Variants in RRP15 observed in about 807,000 individuals in gnomAD.
RRP15 encodes RRP15-like protein.
RRP15 carries 18 observed loss-of-function variants against 27.1 expected under a neutral mutation model. That is an observed-to-expected ratio of 0.66 (90% CI 0.46 to 0.98). The LOEUF (loss-of-function observed/expected upper bound fraction) is 0.98. Ranked by LOEUF, RRP15 falls within the 50% of genes least tolerant of loss-of-function variation. The pLI is 0.00. For missense variants in RRP15, 359 were observed against 337.8 expected (o/e 1.06, Z -0.49); for synonymous variants, 107 against 109.4 (o/e 0.98, Z 0.14).
At chr1:218,323,366 G>T (rs1448962953) in intron 4 of RRP15, among the ~76,000 whole-genome samples, 2 of 152,208 alleles carry the variant, frequency 1.3e-5, no homozygotes, top group East Asian at 3.9e-4. Context: ...GAACAGAGGA[G>T]ACCCTGGGGT....
intron 1 of RRP15, among the ~76,000 whole-genome samples, chr1:218,292,573 A>G (rs138022373): frequency 0.01 from 1,586 of 152,362 alleles, 29 homozygotes; most frequent in African/African-American, 0.036. Context: ...CATGTCTGTG[A>G]ATGACTGCAA....
intron 1 of RRP15, among the ~76,000 whole-genome samples, chr1:218,300,909 G>A (rs1423948017): frequency 6.6e-6 from 1 of 152,194 alleles, no homozygotes; most frequent in African/African-American, 2.4e-5. Context: ...TCTGATCCGG[G>A]TGGGTGGAAC....
intron 3 of RRP15, among the ~76,000 whole-genome samples, chr1:218,305,970 T>C (rs1476228742): frequency 2.0e-5 from 3 of 152,170 alleles, no homozygotes; most frequent in Admixed American, 2.0e-4. Flanking sequence ...AAATAGAGGA[T>C]AATATACCTA....
intron 2 of RRP15, 101 bp downstream of exon 2, chr1:218,302,660 G>T: frequency 6.7e-7 from 1 of 1,501,264 alleles, no homozygotes; most frequent in Non-Finnish European, 8.9e-7. Flanking sequence ...TAACGTTCCA[G>T]TTTTTAACTT....
In RRP15 at chr1:218,336,463, G is replaced by A. The variant is rs1025749732; in HGVS notation, c.*5372G>A. ...TCAGGACCAACTGGGGCTCTAAATG[G>A]AGAGACAGCTGAGAGCTGTGTCCCT... is the stretch of plus-strand genomic sequence containing the variant. On this transcript the variant is annotated 3_prime_UTR_variant, in exon 5 of 5. Coordinates refer to ENST00000366932, the MANE Select transcript of RRP15 (RefSeq NM_016052.4). 1 of 152,636 alleles carries A rather than the reference G, an allele frequency of 6.6e-6. No individual in the cohort carries two copies. Among genetic ancestry groups the A allele is most frequent in the African/African-American group, 2.4e-5 (1 of 41,460 alleles). 9.5% of individuals were successfully genotyped at this position (152,636 alleles called of 1,614,324 possible).
intron 1 of RRP15, among the ~76,000 whole-genome samples, chr1:218,296,215 T>A (rs1251723600): frequency 6.6e-6 from 1 of 152,218 alleles, no homozygotes; most frequent in East Asian, 1.9e-4. Flanking sequence ...TAGTCCAAAT[T>A]GAATCTCTGA....
At chr1:218,288,830 A>G (rs541408084) in intron 1 of RRP15, among the ~76,000 whole-genome samples, 4 of 152,322 alleles carry the variant, frequency 2.6e-5, no homozygotes, top group East Asian at 1.9e-4. Flanking sequence ...TCAGATTTCT[A>G]TAGCACTTCC....
At chr1:218,298,286 TC>T in intron 1 of RRP15, among the ~76,000 whole-genome samples, 1 of 152,296 alleles carries the variant, frequency 6.6e-6, no homozygotes, top group Non-Finnish European at 1.5e-5. Flanking sequence ...TTGTAAAACT[TC>T]CTCTAAGCCA....
At chr1:218,297,824 T>C (rs1397879770) in intron 1 of RRP15, among the ~76,000 whole-genome samples, 8 of 152,318 alleles carry the variant, frequency 5.3e-5, no homozygotes, top group Admixed American at 4.6e-4. Flanking sequence ...TGGCCTTTTA[T>C]TGGAAGCACA....
At chr1:218,297,643 G>A (rs1655742383) in intron 1 of RRP15, among the ~76,000 whole-genome samples, 1 of 152,082 alleles carries the variant, frequency 6.6e-6, no homozygotes, top group Non-Finnish European at 1.5e-5. Flanking sequence ...TTTTTACCGG[G>A]AGTTCTGTTT....
chr1:218,324,436 G>A (rs1204868031), intron 4 of RRP15, among the ~76,000 whole-genome samples: 1 of 152,174 alleles, frequency 6.6e-6, no homozygotes, highest in African/African-American at 2.4e-5. Flanking sequence ...TGTGAGCGTG[G>A]GTGTGACACA....
chr1:218,324,026 G>A (rs1404349980), intron 4 of RRP15, among the ~76,000 whole-genome samples: 1 of 152,186 alleles, frequency 6.6e-6, no homozygotes, highest in African/African-American at 2.4e-5. Flanking sequence ...GCGAGGGCGG[G>A]GCTTCTGCCT....
chr1:218,304,695 T>C (rs1162125733), intron 2 of RRP15, among the ~76,000 whole-genome samples: 1 of 152,234 alleles, frequency 6.6e-6, no homozygotes, highest in African/African-American at 2.4e-5. Flanking sequence ...TTCTTCCTTA[T>C]GCTTCCCTCT....
At chr1:218,327,700 A>G (rs1053399467) in intron 4 of RRP15, among the ~76,000 whole-genome samples, 4 of 152,088 alleles carry the variant, frequency 2.6e-5, no homozygotes, top group African/African-American at 4.8e-5. Flanking sequence ...TAAATTTTCT[A>G]TTGTGTCTTT....
chr1:218,332,177 A>C lies in RRP15; in HGVS notation c.*1086A>C, dbSNP rs187977901. 2.4e-4 allele frequency: 37 copies of C among 152,146 alleles called. No homozygotes were observed. Among genetic ancestry groups the C allele is most frequent in the African/African-American group, 8.9e-4 (37 of 41,494 alleles). 9.4% of individuals were successfully genotyped at this position (152,146 alleles called of 1,614,324 possible). A position where few individuals can be genotyped will look rare whatever the true frequency, so the allele number is the denominator to read the frequency against. ...TCTCTCTTCTTTTTTTTCCTCCCAA[A>C]TATTTGAGTTAGCTTAAATTCTTTT... On this transcript the variant is annotated 3_prime_UTR_variant, in exon 5 of 5. Transcript: ENST00000366932.
At chr1:218,325,547 C>T (rs1656259234) in intron 4 of RRP15, among the ~76,000 whole-genome samples, 1 of 152,158 alleles carries the variant, frequency 6.6e-6, no homozygotes, top group African/African-American at 2.4e-5. Context: ...TCTATTGCTT[C>T]CTTGCTTTCC....
chr1:218,324,999 C>T lies in RRP15; in HGVS notation c.706-5949C>T, dbSNP rs1222713545. Among the ~76,000 whole-genome samples, 3 of 152,142 alleles carry T rather than the reference C, an allele frequency of 2.0e-5. No individual in the cohort carries two copies. The East Asian group carries it at 5.8e-4, about 29-fold the overall frequency. On this transcript the variant is annotated intron_variant, in intron 4 of 4. Transcript: ENST00000366932. ...CCCTGATTGCTTTCTTGGGTTGCTT[C>T]ACTCTTGTCATCTGGGACTTAAATT...
At chr1:218,315,399 C>T (rs1036537402) in intron 4 of RRP15, among the ~76,000 whole-genome samples, 2 of 151,986 alleles carry the variant, frequency 1.3e-5, no homozygotes, top group Non-Finnish European at 2.9e-5. Flanking sequence ...CACCCAGGTC[C>T]CTTGGTGGGC....
chr1:218,309,113 A>G (rs535222832), intron 4 of RRP15, among the ~76,000 whole-genome samples: 2 of 151,948 alleles, frequency 1.3e-5, no homozygotes, highest in East Asian at 3.9e-4. Flanking sequence ...CTTTTTTTCT[A>G]CTTCAGTGAT....
Sources: gnomAD v4.1 joint callset for allele counts (sites outside exome capture counted in the v4.1 genomes callset) on GRCh38, gnomAD v4.1.1 for gene constraint, MANE v1.5 for transcripts, NCBI Gene and HGNC (gene_info 2026-07-23, HGNC 2026-07-21) for gene names.